The following UQCC6 variants were observed in gnomAD, a reference collection of about 807,000 sequenced individuals.
The protein encoded by UQCC6 is ubiquinol-cytochrome c reductase complex assembly factor 6.
chr12:103,962,271 TTTCA>T, the UQCC6 span, among the ~76,000 whole-genome samples: 2 of 152,204 alleles, frequency 1.3e-5, no homozygotes, highest in African/African-American at 2.4e-5. Context: ...GTTTATTGCT[TTTCA>T]TTAATTTTTT....
the UQCC6 span, among the ~76,000 whole-genome samples, chr12:103,959,504 G>A: frequency 1.3e-5 from 2 of 152,050 alleles, no homozygotes; most frequent in Non-Finnish European, 1.5e-5. Flanking sequence ...TCTGAGCTCA[G>A]GAGTTTGAGA....
At chr12:103,956,543 C>A in the UQCC6 span, 1 of 873,040 alleles carries the variant, frequency 1.1e-6, no homozygotes, top group Non-Finnish European at 1.9e-6. Context: ...ATCTGCATTG[C>A]TATAAAGGAA....
chr12:103,961,663 T>C, the UQCC6 span, among the ~76,000 whole-genome samples: 1 of 152,104 alleles, frequency 6.6e-6, no homozygotes, highest in African/African-American at 2.4e-5. Flanking sequence ...TTCAAGCGAT[T>C]TTCCTGCCTC....
the UQCC6 span, among the ~76,000 whole-genome samples, chr12:103,962,543 G>T: frequency 6.6e-6 from 1 of 152,156 alleles, no homozygotes; most frequent in African/African-American, 2.4e-5. Context: ...GGAAGAGGTG[G>T]AAGCTCTTCT....
At chr12:103,953,367 C>T in the UQCC6 span, 1 of 701,812 alleles carries the variant, frequency 1.4e-6, no homozygotes, top group East Asian at 2.7e-5. Context: ...ACAACAGAGT[C>T]ATCTCCTTTG....
the UQCC6 span, chr12:103,954,668 C>T: frequency 0.33 from 132,270 of 403,426 alleles, 24,291 homozygotes; most frequent in Non-Finnish European, 0.38. Context: ...ATATCCAACC[C>T]GTATCAGTGG....
chr12:103,964,902 G>A, the UQCC6 span, among the ~76,000 whole-genome samples: 1 of 152,140 alleles, frequency 6.6e-6, no homozygotes, highest in South Asian at 2.1e-4. Context: ...AAATCTTTCT[G>A]TATTTACTCA....
At chr12:103,958,421 CAA>C in the UQCC6 span, among the ~76,000 whole-genome samples, 17 of 152,236 alleles carry the variant, frequency 1.1e-4, no homozygotes, top group Non-Finnish European at 2.4e-4. Context: ...CCAAGACCCT[CAA>C]AAGTTTCTTA....
chr12:103,951,690 A>G, the UQCC6 span: 14 of 933,722 alleles, frequency 1.5e-5, no homozygotes, highest in East Asian at 1.1e-4. Flanking sequence ...CTGTAATTCA[A>G]TGTAACCTAG....
the UQCC6 span, among the ~76,000 whole-genome samples, chr12:103,963,392 C>T: frequency 6.6e-6 from 1 of 152,178 alleles, no homozygotes; most frequent in African/African-American, 2.4e-5. Flanking sequence ...GTCTTGATTA[C>T]TGTAGCCTTA....
the UQCC6 span, among the ~76,000 whole-genome samples, chr12:103,961,806 T>C: frequency 1.2e-4 from 18 of 152,144 alleles, no homozygotes; most frequent in Non-Finnish European, 1.5e-5. Flanking sequence ...GTGATCCACA[T>C]GCCTCGGCCT....
At chr12:103,950,899 C>G in the UQCC6 span, 12 of 152,330 alleles carry the variant, frequency 7.9e-5, no homozygotes, top group East Asian at 2.1e-3. Context: ...TGCGGTGCTT[C>G]TAAAGCATGC....
At chr12:103,963,162 C>G in the UQCC6 span, among the ~76,000 whole-genome samples, 2 of 151,936 alleles carry the variant, frequency 1.3e-5, no homozygotes, top group Non-Finnish European at 2.9e-5. Context: ...CAACCTCCAC[C>G]TCCTGGGTTC....
the UQCC6 span, among the ~76,000 whole-genome samples, chr12:103,963,607 T>G: frequency 6.6e-6 from 1 of 152,312 alleles, no homozygotes; most frequent in East Asian, 1.9e-4. Flanking sequence ...CGTGTACTTA[T>G]TTAGTTCTTA....
At chr12:103,950,889 T>C in the UQCC6 span, 1 of 152,210 alleles carries the variant, frequency 6.6e-6, no homozygotes, top group Non-Finnish European at 1.5e-5. Context: ...AAAGGAGGTA[T>C]GCGGTGCTTC....
At chr12:103,965,294 G>A in the UQCC6 span, among the ~76,000 whole-genome samples, 2 of 152,232 alleles carry the variant, frequency 1.3e-5, no homozygotes, top group Admixed American at 1.3e-4. Flanking sequence ...AAGGTTATGG[G>A]AGGTGATGCT....
the UQCC6 span, chr12:103,951,758 CTCTT>C: frequency 5.2e-6 from 3 of 579,746 alleles, no homozygotes; most frequent in Admixed American, 9.4e-5. Context: ...TCAATGATAA[CTCTT>C]TATTATGAGA....
At chr12:103,953,190 A>G in the UQCC6 span, among the ~76,000 whole-genome samples, 2 of 152,342 alleles carry the variant, frequency 1.3e-5, no homozygotes, top group South Asian at 4.1e-4. Context: ...AGCTATTACA[A>G]TAACAGGTGA....
the UQCC6 span, among the ~76,000 whole-genome samples, chr12:103,957,598 C>A: frequency 6.6e-6 from 1 of 152,204 alleles, no homozygotes; most frequent in African/African-American, 2.4e-5. Flanking sequence ...CTGTGTCTGG[C>A]GTCTTTTGAT....
Sources: gnomAD v4.1 joint callset for allele counts (sites outside exome capture counted in the v4.1 genomes callset) on GRCh38, gnomAD v4.1.1 for gene constraint, MANE v1.5 for transcripts, NCBI Gene and HGNC (gene_info 2026-07-23, HGNC 2026-07-21) for gene names.